The following JAKMIP3 variants were observed in gnomAD, a reference collection of about 807,000 sequenced individuals.
The protein encoded by JAKMIP3 is janus kinase and microtubule-interacting protein 3.
JAKMIP3 carries 58 observed loss-of-function variants against 118.5 expected under a neutral mutation model. That is an observed-to-expected ratio of 0.49 (90% CI 0.40 to 0.61). The LOEUF (loss-of-function observed/expected upper bound fraction) is 0.61, where lower values mean the gene tolerates loss of function less well. JAKMIP3 is among the 20% of genes least tolerant of loss of function. The pLI is 0.00. For synonymous variants in JAKMIP3, 486 were observed against 451.2 expected (o/e 1.08, Z -0.98); for missense variants, 950 against 1,109.0 (o/e 0.86, Z 2.04).
At chr10:132,120,000 C>T (rs2048286688) in intron 3 of JAKMIP3, among the ~76,000 whole-genome samples, 2 of 152,202 alleles carry the variant, frequency 1.3e-5, no homozygotes. Flanking sequence ...ACTTTGCTCA[C>T]GCTCTTCTCC....
Position 132,168,420 on chromosome 10 carries a change from C to T in JAKMIP3, c.*490C>T, listed in dbSNP as rs1043212573. 7.8e-7 allele frequency: 1 copy of T among 1,287,732 alleles called. No homozygotes were observed. Among genetic ancestry groups the T allele is most frequent in the African/African-American group, 1.5e-5 (1 of 65,824 alleles). The allele number at this position is 1,287,732 out of a possible 1,614,324, so 79.8% of individuals were successfully genotyped here. A position where few individuals can be genotyped will look rare whatever the true frequency, so the allele number is the denominator to read the frequency against. The stretch of plus-strand genomic sequence containing the variant: ...GACAAGATGAAAGCTGGACGGTGAC[C>T]TTCATTCAGGGGAACCTGGAGGCTC... On this transcript the variant is annotated 3_prime_UTR_variant, in exon 23 of 24. Transcript: ENST00000684848.
chr10:132,149,960 C>G, intron 15 of JAKMIP3, 22 bp from the exon 16 acceptor site: 1 of 1,488,170 alleles, frequency 6.7e-7, no homozygotes, highest in Non-Finnish European at 8.9e-7. Flanking sequence ...CCACTCACCC[C>G]TACCTGTCCT....
At chr10:132,081,507 G>A (rs537417603) in intron 1 of JAKMIP3, among the ~76,000 whole-genome samples, 2 of 152,276 alleles carry the variant, frequency 1.3e-5, no homozygotes, top group African/African-American at 2.4e-5. Flanking sequence ...CTCACATGCT[G>A]GTCGGCTCCT....
intron 23 of JAKMIP3, among the ~76,000 whole-genome samples, chr10:132,180,696 CGTGTGTGTGTGCGCGTGTGTGTGCGT>C (rs2061089555): frequency 4.6e-4 from 5 of 10,944 alleles, no homozygotes; most frequent in Admixed American, 8.4e-4. Context: ...TGTGTGCGTG[CGTGTGTGTGTGCGCGTGTGTGTGCGT>C]GTGTGTGCGT....
rs1366285265 is a variant in JAKMIP3, at chr10:132,049,619, G to C, written c.-138+12881G>C. Among the ~76,000 whole-genome samples the C allele has an allele frequency of 5.3e-5, 8 of 151,874 alleles. No individual in the cohort carries two copies. Among genetic ancestry groups the C allele is most frequent in the African/African-American group, 1.9e-4 (8 of 41,320 alleles). ...ATGCTGTTTGCGTGTGCCCGGTTCT[G>C]TTTGGATGTACAGGTTTCTTCTGCC... On this transcript the variant is annotated intron_variant, in intron 1 of 23. Coordinates refer to the JAKMIP3 transcript ENST00000657785. This position sits in a 1 kb window ranked among gnomAD's most constrained non-coding sequence, Gnocchi z 4.3.
At chr10:132,125,544 C>T (rs1322905710) in intron 3 of JAKMIP3, among the ~76,000 whole-genome samples, 4 of 152,206 alleles carry the variant, frequency 2.6e-5, no homozygotes, top group East Asian at 1.9e-4. Context: ...AGATTGTTAC[C>T]GCTTTTCTGT....
chr10:132,181,209 C>T (rs2061427256), intron 23 of JAKMIP3: 1 of 152,196 alleles, frequency 6.6e-6, no homozygotes, highest in South Asian at 2.1e-4. Flanking sequence ...GATCAAGTGA[C>T]CACAGGAAAC....
chr10:132,156,925 A>G (rs1459501382), intron 19 of JAKMIP3, among the ~76,000 whole-genome samples: 5 of 152,292 alleles, frequency 3.3e-5, no homozygotes, highest in East Asian at 3.9e-4. Flanking sequence ...CTGATTTACA[A>G]CACAGAAAAA....
chr10:132,118,838 C>T lies in JAKMIP3; in HGVS notation c.633+1264C>T, dbSNP rs992023602. 6.6e-6 allele frequency among the ~76,000 whole-genome samples: 1 copy of T among 152,202 alleles called. No homozygotes were observed. The highest frequency in any genetic ancestry group is 1.5e-5 in the Non-Finnish European group (1 of 68,032). ...ACTCATAAGAACCGGGTGCTTTCTT[C>T]GCGTGACACGATGCTTGCTTTTCTG... On this transcript the variant is annotated intron_variant, in intron 3 of 23. Transcript: ENST00000684848. This position sits in a 1 kb window ranked among gnomAD's most constrained non-coding sequence, Gnocchi z 4.8.
rs1239491062 is a variant in JAKMIP3, at chr10:132,180,666, CGTGTGTGT to C, written c.*1104-1689_*1104-1682del. Among the ~76,000 whole-genome samples the C allele has an allele frequency of 2.9e-3, 41 of 14,368 alleles. 14 individuals are homozygous for C. The highest frequency in any genetic ancestry group is 8.9e-3 in the East Asian group (5 of 564). 9.4% of individuals were successfully genotyped at this position (14,368 alleles called of 152,430 possible). ...GTGTGCGTGTGCGTGTGCGTGTGTG[CGTGTGTGT>C]GCGCGCGCGTGTGTGTGCGTGCGTG... On this transcript the variant is annotated intron_variant, in intron 23 of 23. Coordinates refer to ENST00000684848, the MANE Select transcript of JAKMIP3 (RefSeq NM_001323087.2).
intron 9 of JAKMIP3, among the ~76,000 whole-genome samples, chr10:132,139,405 T>C (rs2052884824): frequency 9.1e-6 from 1 of 109,500 alleles, no homozygotes; most frequent in African/African-American, 4.2e-5. Context: ...TATGTGAGTG[T>C]GTATGTGTGA....
intron 9 of JAKMIP3, among the ~76,000 whole-genome samples, chr10:132,139,505 TGTGTGA>T (rs57479042): frequency 0.37 from 55,359 of 151,076 alleles, 10,470 homozygotes; most frequent in Non-Finnish European, 0.43. Context: ...TGAGTGTGTA[TGTGTGA>T]GTGTGAGTGT....
At position 132,139,307 on chromosome 10, in the gene JAKMIP3, AGTGT is replaced by A. The variant is rs780192513; in HGVS notation, c.1344+1132_1344+1135del. 3.5e-3 allele frequency among the ~76,000 whole-genome samples: 158 copies of A among 44,862 alleles called. 8 individuals are homozygous for A. The highest frequency in any genetic ancestry group is 0.02 in the African/African-American group (147 of 7,352). The allele number at this position is 44,862 out of a possible 152,430, so 29.4% of individuals were successfully genotyped here. A position where few individuals can be genotyped will look rare whatever the true frequency, so the allele number is the denominator to read the frequency against. ...GTATATGCATCTGTGTATGTGTGTG[AGTGT>A]GTATGTGTATGTGTGTGTGTTTGTA... On this transcript the variant is annotated intron_variant, in intron 9 of 23. Coordinates refer to ENST00000684848, the MANE Select transcript of JAKMIP3 (RefSeq NM_001323087.2).
chr10:132,102,700 A>T (rs1306700096), intron 1 of JAKMIP3, among the ~76,000 whole-genome samples: 1 of 152,138 alleles, frequency 6.6e-6, no homozygotes, highest in Non-Finnish European at 1.5e-5. Flanking sequence ...CACCCGTGGA[A>T]GTCTACTTGG....
intron 9 of JAKMIP3, among the ~76,000 whole-genome samples, chr10:132,139,096 ATG>A (rs1231892648): frequency 2.3e-4 from 17 of 72,356 alleles, no homozygotes; most frequent in African/African-American, 9.0e-4. Flanking sequence ...GAGTGCGTGT[ATG>A]TGTGTACATG....
At chr10:132,165,200 G>A (rs1279863669) in intron 21 of JAKMIP3, among the ~76,000 whole-genome samples, 1 of 152,210 alleles carries the variant, frequency 6.6e-6, no homozygotes, top group Non-Finnish European at 1.5e-5. Flanking sequence ...CACCAGGGCT[G>A]GGGAGGGCTG....
chr10:132,068,314 C>T (rs1414451746), intron 1 of JAKMIP3, among the ~76,000 whole-genome samples: 5 of 152,202 alleles, frequency 3.3e-5, no homozygotes, highest in African/African-American at 1.2e-4. Context: ...CCTGAGTTTC[C>T]AGACAGGCAA....
chr10:132,149,554 T>TCCCACGCCCCACCCCCTCCCTG, intron 15 of JAKMIP3, 44 bp downstream of exon 15: 1 of 530,844 alleles, frequency 1.9e-6, no homozygotes, highest in Non-Finnish European at 2.5e-6. Context: ...ACCTCACCCA[T>TCCCACGCCCCACCCCCTCCCTG]CCCCCGCCCC....
chr10:132,040,351 T>C (rs936255407), intron 1 of JAKMIP3, among the ~76,000 whole-genome samples: 43 of 152,176 alleles, frequency 2.8e-4, no homozygotes, highest in African/African-American at 1.0e-3. Context: ...CTGCCTGGTC[T>C]GTGGCATATT....
Sources: allele counts gnomAD v4.1 joint callset (sites outside exome capture counted in the v4.1 genomes callset), GRCh38; gene constraint gnomAD v4.1.1; non-coding constraint Gnocchi (gnomAD v3.1); transcripts MANE v1.5; gene names NCBI Gene and HGNC (gene_info 2026-07-23, HGNC 2026-07-21).